The following RGS7BP variants were observed in gnomAD, a reference collection of about 807,000 sequenced individuals.
The protein encoded by RGS7BP is regulator of G protein signaling 7-binding protein.
A neutral mutation model predicts 31.3 loss-of-function variants in RGS7BP; 9 were observed. The ratio of observed to expected loss-of-function variants is 0.29; its 90% CI spans 0.17 to 0.50. RGS7BP has a LOEUF of 0.50. Ranked by LOEUF, RGS7BP falls within the 20% of genes least tolerant of loss-of-function variation. RGS7BP has a pLI of 0.98. For synonymous variants in RGS7BP, 115 were observed against 120.1 expected (o/e 0.96, Z 0.28); for missense variants, 274 against 322.0 (o/e 0.85, Z 1.14).
intron 2 of RGS7BP, among the ~76,000 whole-genome samples, chr5:64,564,736 C>A (rs903488784): frequency 6.6e-6 from 1 of 152,028 alleles, no homozygotes; most frequent in Non-Finnish European, 1.5e-5. Flanking sequence ...TAATTCCTTG[C>A]GCTGTAAGCC....
Position 64,555,817 on chromosome 5 carries a change from T to C in RGS7BP, c.333-19957T>C, listed in dbSNP as rs896898417. ...CAGTTCTGGTAATTCTGTGGTAAAA[T>C]TGGTACACATATGCTACACAATGCT... On this transcript the variant is annotated intron_variant, in intron 2 of 5. Coordinates refer to ENST00000334025, the MANE Select transcript of RGS7BP (RefSeq NM_001029875.3). Among the ~76,000 whole-genome samples, 19 of 152,270 alleles carry C rather than the reference T, an allele frequency of 1.2e-4. No individual in the cohort carries two copies. The East Asian group carries it at 3.7e-3, about 29-fold the overall frequency.
At chr5:64,511,660 G>T (rs1748840012) in intron 2 of RGS7BP, among the ~76,000 whole-genome samples, 1 of 152,104 alleles carries the variant, frequency 6.6e-6, no homozygotes, top group African/African-American at 2.4e-5. Flanking sequence ...AGAATCCCTA[G>T]GGCTCCATGG....
intron 2 of RGS7BP, among the ~76,000 whole-genome samples, chr5:64,548,867 T>C (rs542968424): frequency 1.3e-5 from 2 of 151,558 alleles, no homozygotes; most frequent in African/African-American, 2.4e-5. Context: ...TTTTTTTTTT[T>C]ACTAAGTACC....
chr5:64,586,607 G>A (rs1448654945), intron 3 of RGS7BP, among the ~76,000 whole-genome samples: 1 of 152,218 alleles, frequency 6.6e-6, no homozygotes, highest in Non-Finnish European at 1.5e-5. Flanking sequence ...AATGGCATAT[G>A]TTACATTGAG....
intron 2 of RGS7BP, among the ~76,000 whole-genome samples, chr5:64,509,967 C>T (rs1472642429): frequency 6.6e-6 from 1 of 152,146 alleles, no homozygotes; most frequent in Non-Finnish European, 1.5e-5. Context: ...CATCTGGGCT[C>T]CGTTAATGAA....
At chr5:64,603,946 T>C (rs910321291) in intron 5 of RGS7BP, among the ~76,000 whole-genome samples, 2 of 151,946 alleles carry the variant, frequency 1.3e-5, no homozygotes, top group African/African-American at 4.8e-5. Flanking sequence ...GGAAAAAAAA[T>C]GTTTAAGCTA....
chr5:64,534,495 A>C (rs1469144322), intron 2 of RGS7BP, among the ~76,000 whole-genome samples: 1 of 152,194 alleles, frequency 6.6e-6, no homozygotes, highest in African/African-American at 2.4e-5. Context: ...GTTTAGAGGT[A>C]AGACCAGCAG....
intron 2 of RGS7BP, among the ~76,000 whole-genome samples, chr5:64,547,398 T>G (rs147612191): frequency 1.3e-3 from 197 of 152,340 alleles, no homozygotes; most frequent in Non-Finnish European, 2.3e-3. Context: ...TGTCTGTCTT[T>G]TTAATTTTAG....
Position 64,506,583 on chromosome 5 carries a change from G to A in RGS7BP, c.-42G>A, listed in dbSNP as rs938997089. ...GCAACAACCGGGCCGCCCGCGCCGG[G>A]GCGCACTGCACCAGCGGCTTCGGCT... is the stretch of plus-strand genomic sequence containing the variant. On this transcript the variant is annotated 5_prime_UTR_variant, in exon 1 of 6. Transcript: ENST00000334025. The surrounding 1 kb of genome is among the most constrained non-coding windows in gnomAD (Gnocchi z 4.6). The A allele has an allele frequency of 1.3e-6, 2 of 1,543,974 alleles. No individual in the cohort carries two copies. The highest frequency in any genetic ancestry group is 2.3e-5 in the East Asian group (1 of 43,400).
intron 2 of RGS7BP, among the ~76,000 whole-genome samples, chr5:64,549,897 C>A (rs557260128): frequency 1.8e-4 from 28 of 152,314 alleles, no homozygotes; most frequent in Admixed American, 3.9e-4. Context: ...AGCCAAGTCA[C>A]TCCTTCAACA....
intron 3 of RGS7BP, among the ~76,000 whole-genome samples, chr5:64,584,988 T>A (rs1742704229): frequency 6.6e-6 from 1 of 152,206 alleles, no homozygotes; most frequent in South Asian, 2.1e-4. Flanking sequence ...AAACAGCCTA[T>A]ACTTCCCCAG....
At chr5:64,601,258 T>C (rs952889879) in intron 5 of RGS7BP, 4 of 153,708 alleles carry the variant, frequency 2.6e-5, no homozygotes, top group Admixed American at 2.0e-4. Context: ...GTCCCCATTT[T>C]TCCTATCTCA....
intron 2 of RGS7BP, among the ~76,000 whole-genome samples, chr5:64,547,502 C>T (rs1433902917): frequency 6.6e-6 from 1 of 152,128 alleles, no homozygotes; most frequent in Non-Finnish European, 1.5e-5. Context: ...AAGTTTCCTA[C>T]CTTAAGTATT....
chr5:64,598,483 T>C (rs768845140), intron 5 of RGS7BP, 48 bp downstream of exon 5: 8 of 1,130,140 alleles, frequency 7.1e-6, no homozygotes, highest in Non-Finnish European at 1.1e-5. Context: ...TTTAATGGGA[T>C]AACCTTGGGA....
intron 5 of RGS7BP, among the ~76,000 whole-genome samples, chr5:64,606,021 CATATATAT>C (rs66605526): frequency 8.7e-6 from 1 of 115,286 alleles, no homozygotes; most frequent in Non-Finnish European, 1.8e-5. Context: ...TATCTGGATA[CATATATAT>C]ATATATATAT....
Position 64,506,252 on chromosome 5 carries a change from CCTGAATGGAAACTCGGAACCGCCGGG to C in RGS7BP, c.-371_-346del. The C allele has an allele frequency of 5.6e-6, 1 of 177,734 alleles. No homozygotes were observed. 11.0% of individuals were successfully genotyped at this position (177,734 alleles called of 1,614,324 possible). On this transcript the variant is annotated 5_prime_UTR_variant, in exon 1 of 6. An upstream start codon of the reference 5' UTR is lost. Coordinates refer to ENST00000334025, the MANE Select transcript of RGS7BP (RefSeq NM_001029875.3). The surrounding 1 kb of genome is among the most constrained non-coding windows in gnomAD (Gnocchi z 4.6). The stretch of plus-strand genomic sequence containing the variant: ...GCAGGCTTTGAAAGCTGCTCCCCCA[CCTGAATGGAAACTCGGAACCGCCGGG>C]CGGCGCGTTCCTTCTCGCCCAGCCT...
At chr5:64,526,482 C>T (rs1269811888) in intron 2 of RGS7BP, among the ~76,000 whole-genome samples, 1 of 152,186 alleles carries the variant, frequency 6.6e-6, no homozygotes, top group Admixed American at 6.5e-5. Context: ...CTGGAAAACA[C>T]AGAAGGCAGT....
chr5:64,569,905 C>T (rs189119569), intron 2 of RGS7BP, among the ~76,000 whole-genome samples: 132 of 152,278 alleles, frequency 8.7e-4, no homozygotes, highest in South Asian at 1.7e-3. Context: ...CTGGGTCTTT[C>T]CTTGCCACTT....
At chr5:64,532,026 C>T (rs918575226) in intron 2 of RGS7BP, among the ~76,000 whole-genome samples, 23 of 152,050 alleles carry the variant, frequency 1.5e-4, no homozygotes, top group African/African-American at 5.6e-4. Context: ...ATAAAAATTG[C>T]TCATTGCTTA....
Sources: gnomAD v4.1 joint callset for allele counts (sites outside exome capture counted in the v4.1 genomes callset) on GRCh38, gnomAD v4.1.1 for gene constraint, Gnocchi (gnomAD v3.1) non-coding constraint, MANE v1.5 for transcripts, NCBI Gene and HGNC (gene_info 2026-07-23, HGNC 2026-07-21) for gene names.